The following MYO10 variants were observed in gnomAD, a reference collection of about 807,000 sequenced individuals.
MYO10 encodes unconventional myosin-X.
In MYO10, 133 loss-of-function variants were observed where a neutral mutation model predicts 257.3. That is an observed-to-expected ratio of 0.52 (90% confidence interval 0.45 to 0.60). The LOEUF (loss-of-function observed/expected upper bound fraction) is 0.60. Ranked by LOEUF, MYO10 falls within the 20% of genes least tolerant of loss-of-function variation. MYO10 has a pLI of 0.00. For missense variants in MYO10, 2,399 were observed against 2,635.7 expected (o/e 0.91, Z 1.97); for synonymous variants, 1,104 against 1,028.6 (o/e 1.07, Z -1.40).
chr5:16,725,842 C>T (rs999706275), intron 19 of MYO10, among the ~76,000 whole-genome samples: 1 of 148,480 alleles, frequency 6.7e-6, no homozygotes, highest in African/African-American at 2.5e-5. Flanking sequence ...TGCTGGAGTG[C>T]AGTGGCGTGA....
chr5:16,784,666 C>G (rs1261345291), intron 4 of MYO10, among the ~76,000 whole-genome samples: 2 of 152,188 alleles, frequency 1.3e-5, no homozygotes, highest in Non-Finnish European at 1.5e-5. Context: ...CGAGGCAGCA[C>G]GCTGACAACC....
chr5:16,809,350 G>C (rs1176935165), intron 3 of MYO10, among the ~76,000 whole-genome samples: 1 of 152,236 alleles, frequency 6.6e-6, no homozygotes, highest in African/African-American at 2.4e-5. Flanking sequence ...GACTTGACTC[G>C]AGCCTTGGAA....
At chr5:16,906,407 C>T (rs908194844) in intron 1 of MYO10, among the ~76,000 whole-genome samples, 1 of 152,160 alleles carries the variant, frequency 6.6e-6, no homozygotes, top group Non-Finnish European at 1.5e-5. Context: ...CTTCTACTCC[C>T]TAGATAACCC....
At position 16,701,589 on chromosome 5, in the gene MYO10, T is replaced by C. The variant is rs754490844; in HGVS notation, c.2806A>G (p.Arg936Gly). Residue 936 changes from arginine to glycine, a missense_variant, in exon 25 of 41, where the codon AGG (arginine) becomes GGG (glycine). This residue lies in a region of MYO10 where 1,820 missense variants were observed against 1,939.4 expected (regional missense o/e 0.94). Coordinates refer to ENST00000513610, the MANE Select transcript of MYO10 (RefSeq NM_012334.3). The surrounding 1 kb of genome is among the most constrained non-coding windows in gnomAD (Gnocchi z 8.1). ...ELRRLEEEAC[R>G]AAQEFLESLN... ...GACTCGAGGAACTCCTGGGCCGCCC[T>C]GCACGCTTCCTCCTCCAGCCTGCGG... is the stretch of plus-strand genomic sequence containing the variant. The C allele has an allele frequency of 6.2e-7, 1 of 1,613,704 alleles. No homozygotes were observed. The highest frequency in any genetic ancestry group is 8.5e-7 in the Non-Finnish European group (1 of 1,179,818).
At chr5:16,766,917 G>A (rs1043387781) in intron 10 of MYO10, among the ~76,000 whole-genome samples, 1 of 151,058 alleles carries the variant, frequency 6.6e-6, no homozygotes, top group Non-Finnish European at 1.5e-5. Flanking sequence ...TAGAGACAGG[G>A]TTTCACCATG....
At position 16,689,814 on chromosome 5, in the gene MYO10, G is replaced by C. The variant is rs746510598; in HGVS notation, c.3896+10C>G. On this transcript the variant is annotated intron_variant, in intron 28 of 40. Transcript: ENST00000513610. ...ATGTGGGTAACACAAAGTCAACAGCGCAGACTCACCTGGCATCTTCTGGGG... is the reference window on the plus strand; with the variant it reads ...ATGTGGGTAACACAAAGTCAACAGCCCAGACTCACCTGGCATCTTCTGGGG... 6.2e-7 allele frequency: 1 copy of C among 1,601,808 alleles called. No homozygotes were observed. The highest frequency in any genetic ancestry group is 1.3e-5 in the African/African-American group (1 of 74,712).
chr5:16,811,983 G>T (rs185446996), intron 3 of MYO10, among the ~76,000 whole-genome samples: 1 of 152,208 alleles, frequency 6.6e-6, no homozygotes, highest in Non-Finnish European at 1.5e-5. Flanking sequence ...TCTCCTTAGC[G>T]GGTATTTGCC....
At chr5:16,912,802 G>GCACGCACACACACACACACACACA (rs1554008422) in intron 1 of MYO10, among the ~76,000 whole-genome samples, 1 of 111,594 alleles carries the variant, frequency 9.0e-6, no homozygotes, top group Non-Finnish European at 1.8e-5. Context: ...CTACCACCCT[G>GCACGCACACACACACACACACACA]CACACACACA....
intron 25 of MYO10, among the ~76,000 whole-genome samples, chr5:16,700,506 A>C (rs78112272): frequency 6.6e-6 from 1 of 152,116 alleles, no homozygotes; most frequent in Non-Finnish European, 1.5e-5. Flanking sequence ...GTAAAACCCC[A>C]TCTCTACTAA....
At chr5:16,847,134 G>A (rs1365870138) in intron 2 of MYO10, among the ~76,000 whole-genome samples, 1 of 147,920 alleles carries the variant, frequency 6.8e-6, no homozygotes, top group African/African-American at 2.5e-5. Context: ...AAAAAAAAAA[G>A]TATTTAAAAA....
At chr5:16,865,883 TTTTG>T (rs1307717860) in intron 2 of MYO10, among the ~76,000 whole-genome samples, 39 of 151,974 alleles carry the variant, frequency 2.6e-4, no homozygotes, top group Non-Finnish European at 5.0e-4. Flanking sequence ...GGCTCGGAGT[TTTTG>T]TTTGGAGTGA....
intron 1 of MYO10, among the ~76,000 whole-genome samples, chr5:16,883,861 C>A (rs1486333066): frequency 1.3e-5 from 2 of 152,180 alleles, no homozygotes; most frequent in Non-Finnish European, 1.5e-5. Context: ...AAAGAGATGA[C>A]AGTGGACTTT....
In MYO10 at chr5:16,701,666, G is replaced by A. The variant is rs541577815; in HGVS notation, c.2729C>T (p.Ser910Leu). The change falls in exon 25 of 41, where the codon TCG (serine) becomes TTG (leucine). Residue 910 changes from serine (S) to leucine (L), a missense_variant. Around this residue, in one of 3 missense-constraint regions of MYO10, gnomAD observed 1,820 missense variants for 1,939.4 expected, o/e 0.94. Coordinates refer to ENST00000513610, the MANE Select transcript of MYO10 (RefSeq NM_012334.3). This position sits in a 1 kb window ranked among gnomAD's most constrained non-coding sequence, Gnocchi z 8.1. ...CTTCTGCAGGGAAGCCTCGGTCAGC[G>A]ACAGCTCCTGCTGCTCCTTCATGCG... ...LQRMKEQQEL[S>L]LTEASLQKLQ... is the part of the protein sequence containing the mutation. The A allele has an allele frequency of 3.2e-5, 52 of 1,613,840 alleles. 2 individuals are homozygous for A. The highest frequency in any genetic ancestry group is 2.2e-4 in the Admixed American group (13 of 60,002).
chr5:16,879,970 G>C (rs1304009898), intron 1 of MYO10, among the ~76,000 whole-genome samples: 1 of 152,144 alleles, frequency 6.6e-6, no homozygotes, highest in Non-Finnish European at 1.5e-5. Flanking sequence ...TTGAGGTCAG[G>C]AGTTTGAGAC....
At chr5:16,811,083 A>C (rs1381384407) in intron 3 of MYO10, among the ~76,000 whole-genome samples, 1 of 151,820 alleles carries the variant, frequency 6.6e-6, no homozygotes, top group Non-Finnish European at 1.5e-5. Context: ...AAAAAAAAAA[A>C]AACAAAAAGA....
intron 1 of MYO10, among the ~76,000 whole-genome samples, chr5:16,911,004 T>C (rs1745643763): frequency 6.6e-6 from 1 of 151,890 alleles, no homozygotes; most frequent in African/African-American, 2.4e-5. Flanking sequence ...AATAAAAGCT[T>C]TTCTCCCCTT....
chr5:16,796,329 G>T (rs1741953611), intron 3 of MYO10, among the ~76,000 whole-genome samples: 2 of 132,026 alleles, frequency 1.5e-5, no homozygotes, highest in South Asian at 5.2e-4. Flanking sequence ...GAGGAAGAAA[G>T]GAAAGAAAGG....
At chr5:16,687,898 T>G (rs534281566) in intron 28 of MYO10, among the ~76,000 whole-genome samples, 2 of 152,322 alleles carry the variant, frequency 1.3e-5, no homozygotes, top group Non-Finnish European at 2.9e-5. Flanking sequence ...TCAAATTTGT[T>G]GCACTTTCAA....
chr5:16,822,689 TA>T lies in MYO10; in HGVS notation c.121-4523del, dbSNP rs1443073393. On this transcript the variant is annotated intron_variant, in intron 2 of 40. Coordinates refer to ENST00000513610, the MANE Select transcript of MYO10 (RefSeq NM_012334.3). The stretch of plus-strand genomic sequence containing the variant: ...TTTTTTTTTCTTTTTTATTTATTTT[TA>T]TTTTTTTTTTTTTTTGAGACGGAGT... Among the ~76,000 whole-genome samples the T allele has an allele frequency of 1.6e-3, 103 of 64,158 alleles. 1 individual carries two copies. The highest frequency in any genetic ancestry group is 0.01 in the Middle Eastern group (1 of 96). The allele number at this position is 64,158 out of a possible 152,430, so 42.1% of individuals were successfully genotyped here. A position where few individuals can be genotyped will look rare whatever the true frequency, so the allele number is the denominator to read the frequency against.
Sources: allele counts gnomAD v4.1 joint callset (sites outside exome capture counted in the v4.1 genomes callset), GRCh38; gene constraint gnomAD v4.1.1; regional missense constraint gnomAD v4.1.1; non-coding constraint Gnocchi (gnomAD v3.1); transcripts MANE v1.5; gene names NCBI Gene and HGNC (gene_info 2026-07-23, HGNC 2026-07-21).